The following PACS2 variants were observed in gnomAD, a reference collection of about 807,000 sequenced individuals.
The protein encoded by PACS2 is phosphofurin acidic cluster sorting protein 2.
PACS2 carries 36 observed loss-of-function variants against 113.0 expected under a neutral mutation model. That is an observed-to-expected ratio of 0.32 (90% CI 0.24 to 0.42). PACS2 has a LOEUF of 0.42. Ranked by LOEUF, PACS2 falls within the 10% of genes least tolerant of loss-of-function variation. The pLI is 1.00. For missense variants in PACS2, 1,015 were observed against 1,239.5 expected, an observed-to-expected ratio of 0.82 and a Z score of 2.72; for synonymous variants, 589 against 536.1, an observed-to-expected ratio of 1.10 and a Z score of -1.36.
chr14:105,385,029 A>G (rs782763930), intron 18 of PACS2, 42 bp downstream of exon 18: 13 of 1,269,922 alleles, frequency 1.0e-5, no homozygotes, highest in South Asian at 1.0e-4. Flanking sequence ...GGCTGCCGCC[A>G]GCCACCAACC....
rs1566935961 is a variant in PACS2, at chr14:105,357,142, G to A, written c.423+1965G>A. Among the ~76,000 whole-genome samples the A allele has an allele frequency of 6.6e-6, 1 of 152,090 alleles. No homozygotes were observed. Among genetic ancestry groups the A allele is most frequent in the Non-Finnish European group, 1.5e-5 (1 of 68,008 alleles). On this transcript the variant is annotated intron_variant, in intron 4 of 24. Coordinates refer to ENST00000447393, the MANE Select transcript of PACS2 (RefSeq NM_001100913.3). The surrounding 1 kb of genome is among the most constrained non-coding windows in gnomAD (Gnocchi z 5.1). ...CTCCTCCCAGCCCCTCTCAGCACTGGTGCTTCTGTGTTTGACGTCCTTGCC... is the reference window on the plus strand; with the variant it reads ...CTCCTCCCAGCCCCTCTCAGCACTGATGCTTCTGTGTTTGACGTCCTTGCC...
upstream of PACS2, among the ~76,000 whole-genome samples, chr14:105,311,486 G>A (rs1043181616): frequency 6.6e-6 from 1 of 151,878 alleles, no homozygotes; most frequent in Non-Finnish European, 1.5e-5. Flanking sequence ...AACTCCTGAG[G>A]TCACGGGATC....
At chr14:105,351,071 G>A (rs782612341) in intron 2 of PACS2, among the ~76,000 whole-genome samples, 3 of 152,178 alleles carry the variant, frequency 2.0e-5, no homozygotes, top group Non-Finnish European at 2.9e-5. Context: ...CCGGGCTCCC[G>A]TTGTCTGTCC....
chr14:105,371,313 G>T (rs902284184), intron 8 of PACS2: 5 of 152,272 alleles, frequency 3.3e-5, no homozygotes, highest in East Asian at 3.9e-4. Context: ...GGGTTCAGGG[G>T]TGGGTGTTCT....
At chr14:105,360,063 T>C (rs2060619796) in intron 4 of PACS2, among the ~76,000 whole-genome samples, 1 of 152,226 alleles carries the variant, frequency 6.6e-6, no homozygotes, top group South Asian at 2.1e-4. Flanking sequence ...TCATATAGGC[T>C]GACCTTGAAG....
intron 2 of PACS2, among the ~76,000 whole-genome samples, chr14:105,349,483 C>T (rs113798249): frequency 1.7e-4 from 26 of 152,346 alleles, no homozygotes; most frequent in African/African-American, 6.0e-4. Context: ...TGCAGCTGGC[C>T]GGATTCTTGA....
rs980025510 is a variant in PACS2, at chr14:105,317,070, T to A, written c.119+2033T>A. Among the ~76,000 whole-genome samples the A allele has an allele frequency of 1.3e-5, 2 of 152,216 alleles. No homozygotes were observed. The highest frequency in any genetic ancestry group is 1.3e-4 in the Admixed American group (2 of 15,286). On this transcript the variant is annotated intron_variant, in intron 1 of 24. Transcript: ENST00000447393. This position sits in a 1 kb window ranked among gnomAD's most constrained non-coding sequence, Gnocchi z 4.2. Reference sequence around the variant, plus strand: ...CCTGTCCGTGCATCCTCGGACAGTCTGCTACTTAGTTTTGCTTTGTTCCTC... The same window carrying A: ...CCTGTCCGTGCATCCTCGGACAGTCAGCTACTTAGTTTTGCTTTGTTCCTC...
At position 105,395,901 on chromosome 14, in the gene PACS2, G is replaced by A. The variant is rs1301879743; in HGVS notation, c.*1229G>A. 1.3e-5 allele frequency: 2 copies of A among 152,376 alleles called. No individual in the cohort carries two copies. The highest frequency in any genetic ancestry group is 2.9e-5 in the Non-Finnish European group (2 of 68,182). 9.4% of individuals were successfully genotyped at this position (152,376 alleles called of 1,614,324 possible). ...CTCCATAGGAGGAGCTGGGGAAGCT[G>A]GGGCCCTCCCAGGGGTCCTGATCGA... On this transcript the variant is annotated 3_prime_UTR_variant, in exon 25 of 25. Coordinates refer to ENST00000447393, the MANE Select transcript of PACS2 (RefSeq NM_001100913.3).
At chr14:105,367,516 G>T in intron 5 of PACS2, 141 bp downstream of exon 5, 1 of 812,044 alleles carries the variant, frequency 1.2e-6, no homozygotes, top group Non-Finnish European at 2.0e-6. Flanking sequence ...TCTCCTGTCT[G>T]GAAGCCACAG....
chr14:105,303,302 G>T (rs2140628799), intron 1 of PACS2, among the ~76,000 whole-genome samples: 1 of 152,186 alleles, frequency 6.6e-6, no homozygotes, highest in African/African-American at 2.4e-5. Flanking sequence ...GGAATGCAGT[G>T]GTGCGATCTT....
rs782479015 is a variant in PACS2, at chr14:105,368,143, G to A, written c.656G>A (p.Gly219Glu). The A allele has an allele frequency of 6.2e-7, 1 of 1,606,382 alleles. No individual in the cohort carries two copies. Among genetic ancestry groups the A allele is most frequent in the Non-Finnish European group, 8.5e-7 (1 of 1,176,004 alleles). The change falls in exon 6 of 25, where the codon GGG becomes GAG. Residue 219 changes from glycine to glutamate, a missense_variant. Physicochemically the swap from Gly to Glu is moderately conservative, Grantham distance 98. Transcript: ENST00000447393. ...EQEASDDAVQ[G>E]QDLDEDDFDV... ...GAGGCCAGTGACGACGCCGTGCAGGGGCAGGTGACCTGGGGCCGGGGCTCC... is the reference window on the plus strand; with the variant it reads ...GAGGCCAGTGACGACGCCGTGCAGGAGCAGGTGACCTGGGGCCGGGGCTCC...
At position 105,315,066 on chromosome 14, in the gene PACS2, C is replaced by A; in HGVS notation, c.119+29C>A. 8.8e-7 allele frequency: 1 copy of A among 1,134,000 alleles called. No individual in the cohort carries two copies. Among genetic ancestry groups the A allele is most frequent in the Non-Finnish European group, 1.1e-6 (1 of 917,682 alleles). The allele number at this position is 1,134,000 out of a possible 1,614,324, so 70.2% of individuals were successfully genotyped here. A position where few individuals can be genotyped will look rare whatever the true frequency, so the allele number is the denominator to read the frequency against. On this transcript the variant is annotated intron_variant, in intron 1 of 24. Transcript: ENST00000447393. This position sits in a 1 kb window ranked among gnomAD's most constrained non-coding sequence, Gnocchi z 4.4. Reference sequence around the variant, plus strand: ...CGCGCCGCCCGCCGCGCTTTGTTCCCGCCGGGCACCTGCTGGGGGTGTCCT... The same window carrying A: ...CGCGCCGCCCGCCGCGCTTTGTTCCAGCCGGGCACCTGCTGGGGGTGTCCT...
At chr14:105,350,098 G>T (rs139712292) in intron 2 of PACS2, among the ~76,000 whole-genome samples, 8 of 152,010 alleles carry the variant, frequency 5.3e-5, no homozygotes, top group Non-Finnish European at 1.0e-4. Flanking sequence ...GCGTCTCTCC[G>T]CCTGTCCTGC....
At chr14:105,393,174 C>T (rs368851075) in intron 23 of PACS2, 48 bp from the exon 24 acceptor site, 24 of 1,459,274 alleles carry the variant, frequency 1.6e-5, no homozygotes, top group Non-Finnish European at 2.3e-5. Context: ...CTGGCCCCAG[C>T]CCCGAAGGAG....
chr14:105,391,552 C>A, intron 21 of PACS2, 79 bp from the exon 22 acceptor site: 1 of 1,311,664 alleles, frequency 7.6e-7, no homozygotes, highest in Non-Finnish European at 1.1e-6. Context: ...GGCCTGGCCA[C>A]ATCCTGGTCC....
At chr14:105,367,876 G>A (rs1418422179) in intron 5 of PACS2, among the ~76,000 whole-genome samples, 198 bp from the exon 6 acceptor site, 1 of 152,218 alleles carries the variant, frequency 6.6e-6, no homozygotes, top group South Asian at 2.1e-4. Context: ...TGCCAACCCC[G>A]ACCTGGACCG....
chr14:105,387,440 C>T (rs587716026), intron 19 of PACS2, among the ~76,000 whole-genome samples: 137 of 152,330 alleles, frequency 9.0e-4, no homozygotes, highest in African/African-American at 3.2e-3. Context: ...CAGGGCCATG[C>T]GGAGTGGCCC....
At chr14:105,318,563 C>A (rs1165704569) in intron 1 of PACS2, among the ~76,000 whole-genome samples, 2 of 152,120 alleles carry the variant, frequency 1.3e-5, no homozygotes, top group African/African-American at 2.4e-5. Context: ...GATTTTCCTG[C>A]CTCAGCCTCC....
chr14:105,367,885 C>T (rs782713039), intron 5 of PACS2, among the ~76,000 whole-genome samples, 189 bp from the exon 6 acceptor site: 8 of 152,232 alleles, frequency 5.3e-5, no homozygotes, highest in Middle Eastern at 3.2e-3. Flanking sequence ...CGACCTGGAC[C>T]GTTGCCAGTG....
Sources: allele counts gnomAD v4.1 joint callset (sites outside exome capture counted in the v4.1 genomes callset), GRCh38; gene constraint gnomAD v4.1.1; non-coding constraint Gnocchi (gnomAD v3.1); transcripts MANE v1.5; gene names NCBI Gene and HGNC (gene_info 2026-07-23, HGNC 2026-07-21).